LRBA: variants seen among roughly 807,000 people sequenced by gnomAD.
LRBA encodes lipopolysaccharide-responsive and beige-like anchor protein.
A neutral mutation model predicts 330.0 loss-of-function variants in LRBA; 176 were observed. That is an observed-to-expected ratio of 0.53 (90% CI 0.47 to 0.60). The LOEUF is 0.60. Ranked by LOEUF, LRBA falls within the 20% of genes least tolerant of loss-of-function variation. The probability of loss-of-function intolerance (pLI) is 0.00; values close to 1 mark genes in which losing one functional copy is unlikely to be tolerated. For missense variants in LRBA, 3,259 were observed against 3,444.8 expected (o/e 0.95, Z 1.35); for synonymous variants, 1,230 against 1,193.0 (o/e 1.03, Z -0.64).
chr4:150,942,450 T>C (rs1033768549), intron 2 of LRBA, among the ~76,000 whole-genome samples: 6 of 152,130 alleles, frequency 3.9e-5, no homozygotes, highest in Non-Finnish European at 7.3e-5. Flanking sequence ...TCAAGAAATA[T>C]CTCTCTGAGA....
chr4:150,413,343 C>T (rs969693508), intron 47 of LRBA, among the ~76,000 whole-genome samples: 6 of 151,764 alleles, frequency 4.0e-5, no homozygotes, highest in African/African-American at 1.5e-4. Context: ...CACACCAAGA[C>T]TTATACGCAA....
At chr4:150,362,453 G>A (rs904994558) in intron 47 of LRBA, among the ~76,000 whole-genome samples, 2 of 152,038 alleles carry the variant, frequency 1.3e-5, no homozygotes, top group East Asian at 3.9e-4. Flanking sequence ...CTAAAACCTA[G>A]CCAAGTCACT....
intron 46 of LRBA, 31 bp from the exon 47 acceptor site, chr4:150,415,621 A>C: frequency 7.5e-7 from 1 of 1,331,140 alleles, no homozygotes; most frequent in South Asian, 1.2e-5. Flanking sequence ...ATGTGATATT[A>C]TAAACTGTAG....
chr4:150,325,762 G>C (rs1281504075), intron 49 of LRBA, 47 bp downstream of exon 49: 3 of 1,232,118 alleles, frequency 2.4e-6, no homozygotes, highest in Non-Finnish European at 3.6e-6. Context: ...ATATCAAGCG[G>C]ATCTGAAGGA....
At chr4:150,441,803 G>C (rs958397175) in intron 44 of LRBA, among the ~76,000 whole-genome samples, 1 of 151,840 alleles carries the variant, frequency 6.6e-6, no homozygotes, top group Non-Finnish European at 1.5e-5. Context: ...TAAAACTATT[G>C]TATTACAAGT....
chr4:151,002,372 G>A (rs1465065460), intron 2 of LRBA, among the ~76,000 whole-genome samples: 1 of 151,534 alleles, frequency 6.6e-6, no homozygotes, highest in Non-Finnish European at 1.5e-5. Context: ...TTCGAGACCA[G>A]ACCGGCCAAA....
Position 150,914,235 on chromosome 4 carries a change from G to A in LRBA, c.1121C>T (p.Ala374Val). 6.2e-7 allele frequency: 1 copy of A among 1,609,980 alleles called. No individual in the cohort carries two copies. The highest frequency in any genetic ancestry group is 8.5e-7 in the Non-Finnish European group (1 of 1,177,822). The change falls in exon 9 of 57, where the codon GCT (alanine) becomes GTT (valine). Residue 374 changes from alanine to valine, a missense_variant. Coordinates refer to ENST00000651943, the MANE Select transcript of LRBA (RefSeq NM_001364905.1). ...CAACTGATAAATAGCAAATATCTGA[G>A]CTGCATTTAGAGCTTCACTGAAAAG... ...VYLFSEALNA[A>V]QIFAIYQLGL...
At chr4:150,879,202 G>A (rs1198603059) in intron 17 of LRBA, among the ~76,000 whole-genome samples, 2 of 152,170 alleles carry the variant, frequency 1.3e-5, no homozygotes, top group Non-Finnish European at 2.9e-5. Flanking sequence ...TCTGGAATGC[G>A]AGGTTGGTTC....
intron 47 of LRBA, among the ~76,000 whole-genome samples, chr4:150,358,400 C>A (rs1046432355): frequency 6.6e-6 from 1 of 151,966 alleles, no homozygotes; most frequent in African/African-American, 2.4e-5. Context: ...GACTAGCCTG[C>A]CTTAAAACAG....
chr4:150,545,475 G>C (rs1473200988), intron 40 of LRBA, among the ~76,000 whole-genome samples: 1 of 151,776 alleles, frequency 6.6e-6, no homozygotes, highest in Non-Finnish European at 1.5e-5. Flanking sequence ...CCCATCCAGG[G>C]AATCTGTTAT....
intron 50 of LRBA, among the ~76,000 whole-genome samples, chr4:150,319,224 G>C (rs1189991288): frequency 6.6e-6 from 1 of 152,118 alleles, no homozygotes; most frequent in African/African-American, 2.4e-5. Context: ...AGTAAAGATG[G>C]GGGCAGAGTA....
chr4:150,605,775 G>A (rs1177619231), intron 37 of LRBA, among the ~76,000 whole-genome samples: 1 of 152,050 alleles, frequency 6.6e-6, no homozygotes, highest in Non-Finnish European at 1.5e-5. Flanking sequence ...GAAATCTATG[G>A]TGCCTTCATG....
chr4:150,549,967 C>A (rs993654312), intron 40 of LRBA, among the ~76,000 whole-genome samples: 1 of 152,150 alleles, frequency 6.6e-6, no homozygotes. Flanking sequence ...GTCTCTTAGG[C>A]CACACCTCTT....
chr4:150,812,801 T>C (rs982824227), intron 31 of LRBA, among the ~76,000 whole-genome samples: 2 of 152,208 alleles, frequency 1.3e-5, no homozygotes, highest in African/African-American at 4.8e-5. Context: ...GTGAACAGTA[T>C]ACTTAGTTCC....
At chr4:150,781,572 T>C (rs998110241) in intron 34 of LRBA, among the ~76,000 whole-genome samples, 5 of 152,180 alleles carry the variant, frequency 3.3e-5, no homozygotes. Context: ...GCCCAGGAGT[T>C]GGGGACGTCT....
chr4:150,338,336 C>G (rs1324625284), intron 48 of LRBA, among the ~76,000 whole-genome samples: 1 of 152,064 alleles, frequency 6.6e-6, no homozygotes, highest in Admixed American at 6.6e-5. Flanking sequence ...TTTCTGAACT[C>G]ACATAAACAT....
intron 37 of LRBA, among the ~76,000 whole-genome samples, chr4:150,660,398 A>G (rs1482581740): frequency 2.2e-5 from 3 of 135,552 alleles, no homozygotes; most frequent in Admixed American, 7.4e-5. Flanking sequence ...CCGGGAGGTG[A>G]GGGGCGCCTC....
chr4:150,628,619 G>A (rs1405730981), intron 37 of LRBA, among the ~76,000 whole-genome samples: 2 of 152,124 alleles, frequency 1.3e-5, no homozygotes, highest in Admixed American at 6.5e-5. Context: ...AAGCAAGTCA[G>A]TTTCTAAAGG....
chr4:150,938,107 T>C (rs1672219038), intron 2 of LRBA, among the ~76,000 whole-genome samples: 1 of 151,064 alleles, frequency 6.6e-6, no homozygotes, highest in Non-Finnish European at 1.5e-5. Flanking sequence ...CAGGGTGTAA[T>C]CACAGCTTCT....
Sources: gnomAD v4.1 joint callset for allele counts (sites outside exome capture counted in the v4.1 genomes callset) on GRCh38, gnomAD v4.1.1 for gene constraint, MANE v1.5 for transcripts, NCBI Gene and HGNC (gene_info 2026-07-23, HGNC 2026-07-21) for gene names.